Variants in ZNF503 observed in about 807,000 individuals in gnomAD.
The protein encoded by ZNF503 is zinc finger protein 503.
In ZNF503, 15 loss-of-function variants were observed where a neutral mutation model predicts 34.4. The observed-to-expected ratio is 0.44, with a 90% CI of 0.29 to 0.67. The LOEUF (loss-of-function observed/expected upper bound fraction) is 0.67. ZNF503 is among the 30% of genes least tolerant of loss of function. The pLI, the probability that ZNF503 is intolerant of heterozygous loss-of-function variation, is 0.13. For synonymous variants in ZNF503, 580 were observed against 456.8 expected, an observed-to-expected ratio of 1.27 and a Z score of -3.44; for missense variants, 1,007 against 926.8, an observed-to-expected ratio of 1.09 and a Z score of -1.12.
chr10:75,374,561 C>G, the ZNF503 span, among the ~76,000 whole-genome samples: 1 of 152,134 alleles, frequency 6.6e-6, no homozygotes, highest in South Asian at 2.1e-4. Context: ...GTCAGAGAGG[C>G]CTTTCCTGAC....
chr10:75,317,203 A>T, the ZNF503 span, among the ~76,000 whole-genome samples: 5 of 151,220 alleles, frequency 3.3e-5, no homozygotes, highest in South Asian at 1.0e-3. Flanking sequence ...TGGCCTCCCA[A>T]AGTGCTGGGA....
chr10:75,399,058 T>A lies in ZNF503; in HGVS notation c.1632A>T (p.Ala544=). ...ELLSHLRTHT[A]FPGTDKLLSG... The stretch of plus-strand genomic sequence containing the variant: ...ACAGCAGTTTGTCTGTCCCGGGAAA[T>A]GCCGTATGGGTCCGCAAGTGGCTCA... Residue 544 remains alanine (A), a synonymous_variant, in exon 2 of 2, where the codon GCA becomes GCT. Transcript: ENST00000372524. 6.2e-7 allele frequency: 1 copy of A among 1,613,156 alleles called. No homozygotes were observed. The highest frequency in any genetic ancestry group is 1.3e-5 in the African/African-American group (1 of 75,006).
At chr10:75,374,522 T>C in the ZNF503 span, among the ~76,000 whole-genome samples, 1 of 152,038 alleles carries the variant, frequency 6.6e-6, no homozygotes, top group Admixed American at 6.5e-5. Flanking sequence ...CAGCTCACAC[T>C]CTCCTCTCCT....
In ZNF503 at chr10:75,399,491, C is replaced by T. The variant is rs1843751534; in HGVS notation, c.1199G>A (p.Gly400Glu). ...GGCCGGCTTACTGCAGCCCAGAGAC[C>T]CGGCCGCGGCCGCCGCCAGCTGCGC... ...VGAQLAAAAA[G>E]SLGCSKPAGS... is the part of the protein sequence containing the mutation. Residue 400 changes from glycine to glutamate, a missense_variant, in exon 2 of 2, where the codon GGG becomes GAG. Gly to Glu is a moderately conservative substitution (Grantham distance 98). Transcript: ENST00000372524. 4 of 1,566,364 alleles carry T rather than the reference C, an allele frequency of 2.6e-6. No homozygotes were observed. Among genetic ancestry groups the T allele is most frequent in the African/African-American group, 1.4e-5 (1 of 73,990 alleles).
the ZNF503 span, among the ~76,000 whole-genome samples, chr10:75,297,786 C>T: frequency 6.6e-6 from 1 of 152,180 alleles, no homozygotes; most frequent in Non-Finnish European, 1.5e-5. Context: ...AATGAATTTT[C>T]ACAAACTACA....
At chr10:75,349,259 T>A in the ZNF503 span, among the ~76,000 whole-genome samples, 1,311 of 152,330 alleles carry the variant, frequency 8.6e-3, 24 homozygotes, top group African/African-American at 0.03. Flanking sequence ...TTTAGTTGGA[T>A]GTCTCTTCAG....
chr10:75,315,130 CAGG>C, the ZNF503 span, among the ~76,000 whole-genome samples: 3 of 152,152 alleles, frequency 2.0e-5, no homozygotes, highest in Non-Finnish European at 4.4e-5. Flanking sequence ...GAAGTCAAGG[CAGG>C]AGGATTGCTT....
chr10:75,325,214 C>T, the ZNF503 span, among the ~76,000 whole-genome samples: 1 of 151,996 alleles, frequency 6.6e-6, no homozygotes, highest in South Asian at 2.1e-4. Context: ...CATTGAATTG[C>T]CTTTGCACAT....
At chr10:75,317,551 C>T in the ZNF503 span, among the ~76,000 whole-genome samples, 2 of 151,922 alleles carry the variant, frequency 1.3e-5, no homozygotes, top group African/African-American at 4.8e-5. Context: ...TCCCAAAGTG[C>T]TGGGATTACA....
chr10:75,343,724 T>C, the ZNF503 span, among the ~76,000 whole-genome samples: 1 of 152,206 alleles, frequency 6.6e-6, no homozygotes. Context: ...TAGCTGCAGA[T>C]TCTTTAGGGC....
At chr10:75,387,326 G>A in the ZNF503 span, among the ~76,000 whole-genome samples, 1 of 152,206 alleles carries the variant, frequency 6.6e-6, no homozygotes, top group South Asian at 2.1e-4. Context: ...GACAGACCCA[G>A]CTTTGAATTT....
chr10:75,319,719 G>A, the ZNF503 span, among the ~76,000 whole-genome samples: 1 of 152,020 alleles, frequency 6.6e-6, no homozygotes, highest in South Asian at 2.1e-4. Context: ...TAAAATATTA[G>A]GCAACTATGT....
At chr10:75,299,735 G>A in the ZNF503 span, among the ~76,000 whole-genome samples, 1 of 152,160 alleles carries the variant, frequency 6.6e-6, no homozygotes, top group African/African-American at 2.4e-5. Flanking sequence ...GACATCACAT[G>A]TCGGTAGGTT....
At position 75,398,792 on chromosome 10, in the gene ZNF503, T is replaced by C; in HGVS notation, c.1898A>G (p.Tyr633Cys). ...TGPYYSPYAL[Y>C]GQRLTTASAL... ...CGAGGCGGTGGTCAGTCTCTGTCCGTAGAGGGCGTAGGGGGAGTAGTACGG... is the reference window on the plus strand; with the variant it reads ...CGAGGCGGTGGTCAGTCTCTGTCCGCAGAGGGCGTAGGGGGAGTAGTACGG... The change falls in exon 2 of 2, where the codon TAC becomes TGC. Residue 633 changes from tyrosine to cysteine, a missense_variant. Physicochemically the swap from Tyr to Cys is radical, Grantham distance 194. Coordinates refer to ENST00000372524, the MANE Select transcript of ZNF503 (RefSeq NM_032772.6). 1 of 1,464,822 alleles carries C rather than the reference T, an allele frequency of 6.8e-7. No homozygotes were observed. The highest frequency in any genetic ancestry group is 9.0e-7 in the Non-Finnish European group (1 of 1,113,466). 90.7% of individuals were successfully genotyped at this position (1,464,822 alleles called of 1,614,324 possible). A position where few individuals can be genotyped will look rare whatever the true frequency, so the allele number is the denominator to read the frequency against.
chr10:75,386,192 C>T, the ZNF503 span, among the ~76,000 whole-genome samples: 1 of 152,224 alleles, frequency 6.6e-6, no homozygotes, highest in South Asian at 2.1e-4. Context: ...TCTTTCTCAC[C>T]TGTTTGAAAG....
chr10:75,327,059 C>T, the ZNF503 span, among the ~76,000 whole-genome samples: 1 of 152,132 alleles, frequency 6.6e-6, no homozygotes, highest in Non-Finnish European at 1.5e-5. Flanking sequence ...TCACTTCAAA[C>T]ATTTATTATT....
chr10:75,283,977 C>T, the ZNF503 span: 1 of 152,176 alleles, frequency 6.6e-6, no homozygotes, highest in African/African-American at 2.4e-5. Context: ...TTAGCTCTGT[C>T]CTCATTTAGT....
the ZNF503 span, among the ~76,000 whole-genome samples, chr10:75,307,876 C>T: frequency 6.6e-6 from 1 of 152,014 alleles, no homozygotes; most frequent in Non-Finnish European, 1.5e-5. Context: ...GTCAGGAGTT[C>T]AAGACCAGCC....
Position 75,401,266 on chromosome 10 carries a change from T to G in ZNF503, c.154A>C (p.Ser52Arg). 1.9e-6 allele frequency: 3 copies of G among 1,596,510 alleles called. No homozygotes were observed. The highest frequency in any genetic ancestry group is 2.6e-6 in the Non-Finnish European group (3 of 1,172,676). Residue 52 changes from serine to arginine, a missense_variant, in exon 1 of 2, where the codon AGC becomes CGC. By Grantham distance (110) the Ser-to-Arg change is moderately radical. Coordinates refer to ENST00000372524, the MANE Select transcript of ZNF503 (RefSeq NM_032772.6). ...GPGPGSSPAG[S>R]TKPFVHAVPP... ...ACGGCGTGCACAAAAGGCTTGGTGCTGCCGGCCGGGGACGAGCCTGGGCCG... is the reference window on the plus strand; with the variant it reads ...ACGGCGTGCACAAAAGGCTTGGTGCGGCCGGCCGGGGACGAGCCTGGGCCG...
Sources: gnomAD v4.1 joint callset for allele counts (sites outside exome capture counted in the v4.1 genomes callset) on GRCh38, gnomAD v4.1.1 for gene constraint, MANE v1.5 for transcripts, NCBI Gene and HGNC (gene_info 2026-07-23, HGNC 2026-07-21) for gene names.